The following TMPRSS11A variants were observed in gnomAD, a reference collection of about 807,000 sequenced individuals.
TMPRSS11A encodes transmembrane serine protease 11A.
Under a neutral mutation model 58.9 loss-of-function variants are expected in TMPRSS11A, and 53 were observed. The observed-to-expected ratio is 0.90, with a 90% CI of 0.72 to 1.13. The LOEUF (loss-of-function observed/expected upper bound fraction) is 1.13. Among genes scored for constraint, TMPRSS11A ranks in the 50% most tolerant of loss-of-function variants. TMPRSS11A has a pLI of 0.00. For missense variants in TMPRSS11A, 493 were observed against 499.3 expected, an observed-to-expected ratio of 0.99 and a Z score of 0.12; for synonymous variants, 167 against 169.8, an observed-to-expected ratio of 0.98 and a Z score of 0.13.
Position 67,911,134 on chromosome 4 carries a change from A to T in TMPRSS11A, c.*208T>A. The T allele has an allele frequency of 2.2e-6, 1 of 460,300 alleles. No homozygotes were observed. The highest frequency in any genetic ancestry group is 3.9e-6 in the Non-Finnish European group (1 of 259,068). 28.5% of individuals were successfully genotyped at this position (460,300 alleles called of 1,614,324 possible). On this transcript the variant is annotated 3_prime_UTR_variant, in exon 10 of 10. Coordinates refer to ENST00000508048, the MANE Select transcript of TMPRSS11A (RefSeq NM_001114387.2). ...ATCTCTACCGTATTTTTCAAGCCAG[A>T]TCCATTACTTTACAAATAAAAGTCC... is the stretch of plus-strand genomic sequence containing the variant.
chr4:67,913,921 A>T (rs769895456), intron 9 of TMPRSS11A, among the ~76,000 whole-genome samples: 5 of 152,214 alleles, frequency 3.3e-5, no homozygotes, highest in Non-Finnish European at 5.9e-5. Context: ...GAAGAAACGT[A>T]CCTTCGCTGG....
At chr4:67,953,084 A>C (rs891958096) in intron 1 of TMPRSS11A, among the ~76,000 whole-genome samples, 1 of 152,102 alleles carries the variant, frequency 6.6e-6, no homozygotes, top group Non-Finnish European at 1.5e-5. Flanking sequence ...TCGCATGTGC[A>C]GTTTACAATA....
In TMPRSS11A at chr4:67,909,714, A is replaced by G. The variant is rs746667765; in HGVS notation, c.*1628T>C. ...AGTTTTCTATCTTAATACAGGTTCA[A>G]TAGCTCTCACTTAAAATTTTACAGA... On this transcript the variant is annotated 3_prime_UTR_variant, in exon 10 of 10. Coordinates refer to ENST00000508048, the MANE Select transcript of TMPRSS11A (RefSeq NM_001114387.2). 6.6e-6 allele frequency: 1 copy of G among 152,306 alleles called. No individual in the cohort carries two copies. Among genetic ancestry groups the G allele is most frequent in the South Asian group, 2.1e-4 (1 of 4,832 alleles). The allele number at this position is 152,306 out of a possible 1,614,324, so 9.4% of individuals were successfully genotyped here. A position where few individuals can be genotyped will look rare whatever the true frequency, so the allele number is the denominator to read the frequency against.
chr4:67,941,801 T>C (rs1346068671), intron 3 of TMPRSS11A, among the ~76,000 whole-genome samples: 1 of 152,164 alleles, frequency 6.6e-6, no homozygotes, highest in African/African-American at 2.4e-5. Context: ...AGTAAAATAT[T>C]TTTATGTCTT....
intron 7 of TMPRSS11A, among the ~76,000 whole-genome samples, chr4:67,919,560 A>T (rs1367990318): frequency 2.0e-5 from 3 of 152,200 alleles, no homozygotes; most frequent in African/African-American, 7.2e-5. Context: ...GGATAAAGTG[A>T]TGAACAGGAC....
Position 67,949,855 on chromosome 4 carries a change from T to C in TMPRSS11A, c.12-3284A>G, listed in dbSNP as rs539239018. On this transcript the variant is annotated intron_variant, in intron 1 of 9. Coordinates refer to ENST00000508048, the MANE Select transcript of TMPRSS11A (RefSeq NM_001114387.2). ...GCCTGGGCGACTGGGAGACTCCATC[T>C]CAAAAAAAAGTATCATCACCTTCTC... is the stretch of plus-strand genomic sequence containing the variant. Among the ~76,000 whole-genome samples the C allele has an allele frequency of 2.6e-5, 4 of 152,054 alleles. No homozygotes were observed. In the East Asian group the frequency reaches 5.8e-4, roughly 22 times the overall value.
chr4:67,920,549 A>ATATATATATATAT (rs371252656), intron 7 of TMPRSS11A, among the ~76,000 whole-genome samples: 19 of 130,900 alleles, frequency 1.5e-4, no homozygotes, highest in East Asian at 4.6e-4. Context: ...ATATATATAT[A>ATATATATATATAT]TTTTTTTTTA....
At chr4:67,917,160 TG>T (rs1720180662) in intron 8 of TMPRSS11A, among the ~76,000 whole-genome samples, 2 of 152,090 alleles carry the variant, frequency 1.3e-5, no homozygotes, top group Admixed American at 1.3e-4. Context: ...TCCTTCCTTA[TG>T]TTTGTTTTAG....
intron 3 of TMPRSS11A, among the ~76,000 whole-genome samples, chr4:67,932,736 G>A (rs1387700025): frequency 6.6e-6 from 1 of 152,058 alleles, no homozygotes; most frequent in Non-Finnish European, 1.5e-5. Flanking sequence ...ATTTAAGAGA[G>A]AGCCAAAATT....
chr4:67,923,956 C>T (rs531376273), intron 6 of TMPRSS11A, among the ~76,000 whole-genome samples, 172 bp downstream of exon 6: 1 of 151,584 alleles, frequency 6.6e-6, no homozygotes, highest in East Asian at 1.9e-4. Context: ...TTGAACATGA[C>T]TAAAAGATCA....
In TMPRSS11A at chr4:67,911,215, TTGTG is replaced by T. The variant is rs1204220962; in HGVS notation, c.*123_*126del. 6.3e-6 allele frequency: 5 copies of T among 788,378 alleles called. No homozygotes were observed. The highest frequency in any genetic ancestry group is 9.8e-6 in the Non-Finnish European group (5 of 511,168). The allele number at this position is 788,378 out of a possible 1,614,324, so 48.8% of individuals were successfully genotyped here. ...TTAAAGTGATTCTAAATAACTTACG[TTGTG>T]TGTTTCATGTTACTAGATCCAGTAA... On this transcript the variant is annotated 3_prime_UTR_variant, in exon 10 of 10. Transcript: ENST00000508048.
At chr4:67,949,502 T>A (rs1721106676) in intron 1 of TMPRSS11A, among the ~76,000 whole-genome samples, 1 of 152,206 alleles carries the variant, frequency 6.6e-6, no homozygotes, top group South Asian at 2.1e-4. Context: ...CTAAATCCTA[T>A]ATGAATAAAT....
intron 3 of TMPRSS11A, among the ~76,000 whole-genome samples, chr4:67,933,989 G>A (rs1720692047): frequency 6.6e-6 from 1 of 152,194 alleles, no homozygotes; most frequent in South Asian, 2.1e-4. Flanking sequence ...TGCTATGAAT[G>A]TCTAAACCAA....
chr4:67,929,803 T>G (rs1720564012), intron 5 of TMPRSS11A, 77 bp downstream of exon 5: 1 of 1,274,876 alleles, frequency 7.8e-7, no homozygotes, highest in Non-Finnish European at 1.1e-6. Flanking sequence ...ATGGAAATAA[T>G]GACAAATAAA....
At chr4:67,915,859 G>T (rs1381818893) in intron 8 of TMPRSS11A, among the ~76,000 whole-genome samples, 1 of 152,212 alleles carries the variant, frequency 6.6e-6, no homozygotes, top group Non-Finnish European at 1.5e-5. Flanking sequence ...TCTGACTCAT[G>T]AAAACAGTGA....
intron 3 of TMPRSS11A, among the ~76,000 whole-genome samples, chr4:67,943,522 C>T (rs1409476274): frequency 1.3e-5 from 2 of 152,100 alleles, no homozygotes; most frequent in Non-Finnish European, 2.9e-5. Flanking sequence ...TGTATTGGTG[C>T]AGGCTCCCCG....
At chr4:67,962,428 G>A (rs953980258) in intron 1 of TMPRSS11A, among the ~76,000 whole-genome samples, 1 of 152,044 alleles carries the variant, frequency 6.6e-6, no homozygotes, top group Admixed American at 6.6e-5. Context: ...AGGAAGACTC[G>A]ACTCCAAGGA....
At chr4:67,958,598 C>T (rs1023138718) in intron 1 of TMPRSS11A, among the ~76,000 whole-genome samples, 1 of 152,220 alleles carries the variant, frequency 6.6e-6, no homozygotes, top group Non-Finnish European at 1.5e-5. Context: ...TTTGATTTTA[C>T]AGGCTCATAG....
At chr4:67,940,994 GC>G (rs1315996766) in intron 3 of TMPRSS11A, among the ~76,000 whole-genome samples, 1 of 152,178 alleles carries the variant, frequency 6.6e-6, no homozygotes, top group East Asian at 1.9e-4. Flanking sequence ...AGGATGGCCA[GC>G]CGGCAGTAAT....
Sources: gnomAD v4.1 joint callset for allele counts (sites outside exome capture counted in the v4.1 genomes callset) on GRCh38, gnomAD v4.1.1 for gene constraint, MANE v1.5 for transcripts, NCBI Gene and HGNC (gene_info 2026-07-23, HGNC 2026-07-21) for gene names.